Variants in DISC1 observed in about 807,000 individuals in gnomAD.
The protein encoded by DISC1 is disrupted in schizophrenia 1 protein.
In DISC1, 57 loss-of-function variants were observed where a neutral mutation model predicts 84.5. The observed-to-expected ratio is 0.67, with a 90% CI of 0.55 to 0.84. DISC1 has a LOEUF of 0.84. Ranked by LOEUF, DISC1 falls within the 40% of genes least tolerant of loss-of-function variation. The pLI, the probability that DISC1 is intolerant of heterozygous loss-of-function variation, is 0.00. For synonymous variants in DISC1, 411 were observed against 415.2 expected (o/e 0.99, Z 0.12); for missense variants, 1,000 against 1,057.8 (o/e 0.95, Z 0.76).
At position 232,036,999 on chromosome 1, in the gene DISC1, A is replaced by G; in HGVS notation, c.*168A>G. Reference sequence around the variant, plus strand: ...GTTCATTCTCATCAGTGTGAAACTGAGGAGTCTGCAATTTGGAATATGGAG... The same window carrying G: ...GTTCATTCTCATCAGTGTGAAACTGGGGAGTCTGCAATTTGGAATATGGAG... On this transcript the variant is annotated 3_prime_UTR_variant, in exon 13 of 13. Transcript: ENST00000439617. 1.6e-6 allele frequency: 1 copy of G among 625,708 alleles called. No individual in the cohort carries two copies. Among genetic ancestry groups the G allele is most frequent in the Non-Finnish European group, 2.4e-6 (1 of 417,400 alleles). The allele number at this position is 625,708 out of a possible 1,614,324, so 38.8% of individuals were successfully genotyped here. A position where few individuals can be genotyped will look rare whatever the true frequency, so the allele number is the denominator to read the frequency against.
intron 9 of DISC1, chr1:231,818,793 GTC>G: frequency 7.9e-7 from 1 of 1,265,456 alleles, no homozygotes. Flanking sequence ...ATTTAGAGCA[GTC>G]TCTCCCTTGG....
At chr1:231,644,770 T>C (rs567641381) in intron 1 of DISC1, among the ~76,000 whole-genome samples, 12 of 152,228 alleles carry the variant, frequency 7.9e-5, no homozygotes, top group Non-Finnish European at 1.8e-4. Flanking sequence ...TGTTCTCTTC[T>C]AGTTCTTTCT....
intron 9 of DISC1, among the ~76,000 whole-genome samples, chr1:231,939,518 G>A (rs192605119): frequency 6.6e-6 from 1 of 152,298 alleles, no homozygotes; most frequent in East Asian, 1.9e-4. Flanking sequence ...CCACACTCCT[G>A]CAGGGATTCA....
intron 3 of DISC1, among the ~76,000 whole-genome samples, chr1:231,746,009 C>T (rs1286164435): frequency 6.6e-6 from 1 of 152,170 alleles, no homozygotes; most frequent in Non-Finnish European, 1.5e-5. Context: ...CCTTAGCCTT[C>T]TGCCATGATT....
chr1:231,800,908 C>T (rs1189844812), intron 8 of DISC1, among the ~76,000 whole-genome samples: 1 of 151,536 alleles, frequency 6.6e-6, no homozygotes, highest in African/African-American at 2.4e-5. Context: ...AGTCCAGGCC[C>T]TCTCTCGGTG....
At chr1:231,915,031 A>T (rs2089510142) in intron 9 of DISC1, among the ~76,000 whole-genome samples, 1 of 152,168 alleles carries the variant, frequency 6.6e-6, no homozygotes, top group Admixed American at 6.5e-5. Context: ...TTTTGTTTAG[A>T]TTCTTCTGCC....
chr1:231,681,057 A>G (rs1463023536), intron 1 of DISC1, among the ~76,000 whole-genome samples: 1 of 152,230 alleles, frequency 6.6e-6, no homozygotes, highest in African/African-American at 2.4e-5. Flanking sequence ...GCAGCAGTTA[A>G]AAAATTCATT....
At chr1:231,866,365 G>A (rs1379455591) in intron 9 of DISC1, among the ~76,000 whole-genome samples, 1 of 152,050 alleles carries the variant, frequency 6.6e-6, no homozygotes, top group Non-Finnish European at 1.5e-5. Context: ...GAAAAACTTG[G>A]ATTTAATTAT....
rs1553405395 is a variant in DISC1, at chr1:231,950,247, T to TGTGTGTGTGTGTGTGA, written c.1982-8580_1982-8579insTGTGTGTGTGTGTGAG. On this transcript the variant is annotated intron_variant, in intron 9 of 12. Coordinates refer to ENST00000439617, the MANE Select transcript of DISC1 (RefSeq NM_018662.3). Reference sequence around the variant, plus strand: ...GTGTGTGTGTGTGTGTGTGTGTGTGTGATGCCCATATTTCAGGGAAATAAC... The same window carrying TGTGTGTGTGTGTGTGA: ...GTGTGTGTGTGTGTGTGTGTGTGTGTGTGTGTGTGTGTGTGAGATGCCCATATTTCAGGGAAATAAC... 2.0e-5 allele frequency among the ~76,000 whole-genome samples: 3 copies of TGTGTGTGTGTGTGTGA among 148,782 alleles called. No individual in the cohort carries two copies. The East Asian group carries it at 6.0e-4, about 30-fold the overall frequency.
At chr1:231,714,215 G>A (rs1037695539) in intron 3 of DISC1, among the ~76,000 whole-genome samples, 1 of 152,140 alleles carries the variant, frequency 6.6e-6, no homozygotes. Context: ...ATTAAAACAT[G>A]TAAAATAGAT....
At chr1:232,010,964 T>A (rs1206224642) in intron 11 of DISC1, among the ~76,000 whole-genome samples, 1 of 152,196 alleles carries the variant, frequency 6.6e-6, no homozygotes, top group Non-Finnish European at 1.5e-5. Context: ...AAAGAATGGC[T>A]GCAGAAGGTC....
intron 9 of DISC1, among the ~76,000 whole-genome samples, chr1:231,833,149 A>G (rs1285688344): frequency 6.6e-6 from 1 of 150,448 alleles, no homozygotes; most frequent in Non-Finnish European, 1.5e-5. Context: ...ATAGTCAGGG[A>G]AGCAGATAAT....
intron 9 of DISC1, among the ~76,000 whole-genome samples, chr1:231,935,283 C>T (rs2090910985): frequency 1.3e-5 from 2 of 152,112 alleles, no homozygotes; most frequent in Admixed American, 1.3e-4. Context: ...TTCCAACAAT[C>T]TCATATATAC....
intron 9 of DISC1, among the ~76,000 whole-genome samples, chr1:231,863,432 T>C (rs2084827328): frequency 6.6e-6 from 1 of 152,068 alleles, no homozygotes; most frequent in African/African-American, 2.4e-5. Context: ...GGTTTCACCA[T>C]GTTGGCCAGG....
chr1:231,718,057 C>G (rs1573193365), intron 3 of DISC1, among the ~76,000 whole-genome samples: 2 of 152,204 alleles, frequency 1.3e-5, no homozygotes, highest in East Asian at 1.9e-4. Context: ...ACTTTCAGCT[C>G]TCCCGGGACA....
chr1:231,955,068 G>C (rs897304165), intron 9 of DISC1, among the ~76,000 whole-genome samples: 1 of 152,204 alleles, frequency 6.6e-6, no homozygotes, highest in African/African-American at 2.4e-5. Context: ...TGATTAACTT[G>C]ATAGACATCT....
At chr1:231,813,018 A>G (rs1053018893) in intron 8 of DISC1, among the ~76,000 whole-genome samples, 1 of 152,146 alleles carries the variant, frequency 6.6e-6, no homozygotes, top group African/African-American at 2.4e-5. Context: ...GCATTTTCCC[A>G]AGCCTTATCC....
chr1:232,020,970 G>A (rs1425332091), intron 11 of DISC1, among the ~76,000 whole-genome samples: 1 of 152,196 alleles, frequency 6.6e-6, no homozygotes, highest in East Asian at 1.9e-4. Context: ...ACTAGAAGTA[G>A]TGAAATACAC....
intron 10 of DISC1, among the ~76,000 whole-genome samples, chr1:232,002,223 C>T (rs1666781902): frequency 1.3e-5 from 2 of 152,012 alleles, no homozygotes; most frequent in Non-Finnish European, 2.9e-5. Context: ...AAAATTATAA[C>T]ACCAAATATT....
Sources: allele counts gnomAD v4.1 joint callset (sites outside exome capture counted in the v4.1 genomes callset), GRCh38; gene constraint gnomAD v4.1.1; transcripts MANE v1.5; gene names NCBI Gene and HGNC (gene_info 2026-07-23, HGNC 2026-07-21).